PTPRD: variants seen among roughly 807,000 people sequenced by gnomAD.
PTPRD encodes receptor-type tyrosine-protein phosphatase delta.
A neutral mutation model predicts 214.5 loss-of-function variants in PTPRD; 34 were observed. That is an observed-to-expected ratio of 0.16 (90% CI 0.12 to 0.21). The LOEUF (loss-of-function observed/expected upper bound fraction) is 0.21, where lower values mean the gene tolerates loss of function less well. Among genes scored for constraint, PTPRD ranks in the 10% least tolerant of loss-of-function variants. The pLI, the probability that PTPRD is intolerant of heterozygous loss-of-function variation, is 1.00. For missense variants in PTPRD, 2,545 were observed against 2,398.7 expected (o/e 1.06, Z -1.27); for synonymous variants, 1,128 against 845.7 (o/e 1.33, Z -5.79).
chr9:10,507,435 T>A (rs1339327850), intron 2 of PTPRD, among the ~76,000 whole-genome samples: 2 of 152,080 alleles, frequency 1.3e-5, no homozygotes, highest in African/African-American at 4.8e-5. Context: ...CTTCACAGAA[T>A]TGGAAAAAAC....
intron 11 of PTPRD, among the ~76,000 whole-genome samples, chr9:8,921,235 T>G (rs759589874): frequency 6.6e-6 from 1 of 152,194 alleles, no homozygotes; most frequent in African/African-American, 2.4e-5. Flanking sequence ...AGAACTATTA[T>G]CTATACCAGA....
intron 35 of PTPRD, among the ~76,000 whole-genome samples, chr9:8,408,491 G>A (rs896126850): frequency 6.6e-6 from 1 of 152,066 alleles, no homozygotes; most frequent in Non-Finnish European, 1.5e-5. Context: ...GCTTTCTTCA[G>A]TCTCCGTTGT....
At chr9:9,803,410 T>C (rs1037644667) in intron 5 of PTPRD, among the ~76,000 whole-genome samples, 1 of 152,030 alleles carries the variant, frequency 6.6e-6, no homozygotes, top group African/African-American at 2.4e-5. Context: ...CTTCAGTATC[T>C]ACAATTCAGA....
chr9:8,649,523 A>T (rs2096762889), intron 12 of PTPRD, among the ~76,000 whole-genome samples: 1 of 152,244 alleles, frequency 6.6e-6, no homozygotes, highest in Non-Finnish European at 1.5e-5. Context: ...ACGTGTGTGT[A>T]CACATGCAGA....
chr9:9,762,447 A>G (rs1015227346), intron 6 of PTPRD, among the ~76,000 whole-genome samples: 1 of 152,066 alleles, frequency 6.6e-6, no homozygotes, highest in Non-Finnish European at 1.5e-5. Context: ...GGTTCCTTTT[A>G]TTTTTGTTTA....
intron 24 of PTPRD, among the ~76,000 whole-genome samples, chr9:8,500,292 T>C (rs566172005): frequency 3.3e-5 from 5 of 151,912 alleles, no homozygotes; most frequent in African/African-American, 9.6e-5. Flanking sequence ...TTTTTTCTCA[T>C]ATCAAAGTTA....
At chr9:8,426,199 T>A (rs1311297584) in intron 35 of PTPRD, among the ~76,000 whole-genome samples, 1 of 152,216 alleles carries the variant, frequency 6.6e-6, no homozygotes, top group African/African-American at 2.4e-5. Context: ...TATATTCATC[T>A]TCATAACAGT....
chr9:10,023,735 C>G (rs1459916656), intron 4 of PTPRD, among the ~76,000 whole-genome samples: 1 of 149,518 alleles, frequency 6.7e-6, no homozygotes, highest in Non-Finnish European at 1.5e-5. Context: ...GGCCTAAGTA[C>G]AAATGCTACA....
chr9:9,645,916 A>T lies in PTPRD; in HGVS notation c.-286-71135T>A, dbSNP rs10977909. Among the ~76,000 whole-genome samples, 5 of 152,280 alleles carry T rather than the reference A, an allele frequency of 3.3e-5. No individual in the cohort carries two copies. In the South Asian group the frequency reaches 1.0e-3, roughly 32 times the overall value. On this transcript the variant is annotated intron_variant, in intron 7 of 45. Coordinates refer to ENST00000381196, the MANE Select transcript of PTPRD (RefSeq NM_002839.4). ...TTAAATTTATTATTAATTGTTGTGG[A>T]TACATACTAGTTGTACATATTTTGG...
chr9:9,178,240 C>T (rs1041739990), intron 10 of PTPRD, among the ~76,000 whole-genome samples: 1 of 151,922 alleles, frequency 6.6e-6, no homozygotes, highest in African/African-American at 2.4e-5. Flanking sequence ...TGTGACCTCC[C>T]TTAGTCTTTC....
chr9:9,940,647 G>A (rs1165479947), intron 4 of PTPRD, among the ~76,000 whole-genome samples: 1 of 152,136 alleles, frequency 6.6e-6, no homozygotes, highest in Non-Finnish European at 1.5e-5. Flanking sequence ...ATTAACAAAA[G>A]TGTCAACAGC....
At chr9:8,645,392 T>TA (rs1334909320) in intron 12 of PTPRD, among the ~76,000 whole-genome samples, 1 of 152,242 alleles carries the variant, frequency 6.6e-6, no homozygotes, top group Non-Finnish European at 1.5e-5. Context: ...CATTTGCTCA[T>TA]GATTTAAAAA....
intron 10 of PTPRD, among the ~76,000 whole-genome samples, chr9:9,175,114 G>C (rs2099923842): frequency 6.6e-6 from 1 of 152,028 alleles, no homozygotes; most frequent in South Asian, 2.1e-4. Context: ...TAGACTTTCA[G>C]CCTCCAGAAC....
rs183613732 is a variant in PTPRD at position 10,090,653 on chromosome 9, C to T, written c.-544-56863G>A. On this transcript the variant is annotated intron_variant, in intron 3 of 45. Transcript: ENST00000381196. Reference sequence around the variant, plus strand: ...AATAAAAAAACCACCAACTAAGAACCAGAATAAATAAAGTAAATGATTTTT... The same window carrying T: ...AATAAAAAAACCACCAACTAAGAACTAGAATAAATAAAGTAAATGATTTTT... Among the ~76,000 whole-genome samples the T allele has an allele frequency of 1.6e-4, 24 of 147,068 alleles. No homozygotes were observed. In the East Asian group the frequency reaches 4.8e-3, roughly 30 times the overall value.
chr9:10,530,140 A>G (rs961770409), intron 2 of PTPRD, among the ~76,000 whole-genome samples: 7 of 152,206 alleles, frequency 4.6e-5, no homozygotes, highest in Non-Finnish European at 1.0e-4. Context: ...AACTGTTTAG[A>G]CAATACATCT....
chr9:9,377,190 A>T (rs17606661), intron 9 of PTPRD, among the ~76,000 whole-genome samples: 370 of 152,248 alleles, frequency 2.4e-3, no homozygotes, highest in South Asian at 6.0e-3. Flanking sequence ...GTATGCAAAT[A>T]CATGTCCATA....
chr9:9,408,097 AT>A (rs1454572330), intron 8 of PTPRD, among the ~76,000 whole-genome samples: 1 of 151,886 alleles, frequency 6.6e-6, no homozygotes, highest in East Asian at 1.9e-4. Context: ...TGAAAGTAAC[AT>A]TGGCAGTAGA....
At chr9:10,566,091 T>G (rs1466637206) in intron 2 of PTPRD, among the ~76,000 whole-genome samples, 6 of 152,046 alleles carry the variant, frequency 3.9e-5, no homozygotes, top group Non-Finnish European at 8.8e-5. Flanking sequence ...AATTCATCAA[T>G]TTTGTTGGGA....
intron 2 of PTPRD, among the ~76,000 whole-genome samples, chr9:10,482,530 AC>A (rs1315943429): frequency 6.6e-6 from 1 of 151,876 alleles, no homozygotes. Flanking sequence ...ACCCTAAAAG[AC>A]CCCTCCAAAA....
Sources: gnomAD v4.1 joint callset for allele counts (sites outside exome capture counted in the v4.1 genomes callset) on GRCh38, gnomAD v4.1.1 for gene constraint, MANE v1.5 for transcripts, NCBI Gene and HGNC (gene_info 2026-07-23, HGNC 2026-07-21) for gene names.